Variants in MAGT1 observed in about 807,000 individuals in gnomAD.
MAGT1 encodes the protein magnesium transporter 1, also known as dolichyl-diphosphooligosaccharide--protein glycosyltransferase subunit MAGT1.
A neutral mutation model predicts 28.4 loss-of-function variants in MAGT1; 4 were observed. The ratio of observed to expected loss-of-function variants is 0.14; its 90% CI spans 0.07 to 0.32. The LOEUF (loss-of-function observed/expected upper bound fraction) is 0.32, where lower values mean the gene tolerates loss of function less well. Ranked by LOEUF, MAGT1 falls within the 10% of genes least tolerant of loss-of-function variation. The pLI, the probability that MAGT1 is intolerant of heterozygous loss-of-function variation, is 1.00. For missense variants in MAGT1, 193 were observed against 264.5 expected, an observed-to-expected ratio of 0.73 and a Z score of 1.88; for synonymous variants, 89 against 89.7, an observed-to-expected ratio of 0.99 and a Z score of 0.04.
chrX:77,837,716 G>C (rs782558403), intron 8 of MAGT1, among the ~76,000 whole-genome samples: 15 of 111,683 alleles, frequency 1.3e-4, no homozygotes, highest in Non-Finnish European at 2.8e-4. Context: ...ATTTAGGTAG[G>C]GTAATTTTTA....
intron 7 of MAGT1, among the ~76,000 whole-genome samples, chrX:77,850,470 C>A (rs2076964195): frequency 1.6e-5 from 1 of 60,620 alleles, no homozygotes. Flanking sequence ...AGCGAGACTC[C>A]ACTCAAAAAA....
At position 77,827,174 on chromosome X, in the gene MAGT1, A is replaced by G. The variant is rs1162021185; in HGVS notation, c.*2046T>C. ...TCTTCATAACTATGGGGGAGGTTAT[A>G]GTTAGATATAATGATAACCATGAAA... On this transcript the variant is annotated 3_prime_UTR_variant, in exon 10 of 10. Transcript: ENST00000618282. The G allele has an allele frequency of 8.9e-6, 1 of 111,742 alleles. No homozygotes were observed. The highest frequency in any genetic ancestry group is 3.2e-5 in the African/African-American group (1 of 30,776). 9.2% of individuals were successfully genotyped at this position (111,742 alleles called of 1,213,427 possible).
intron 9 of MAGT1, among the ~76,000 whole-genome samples, chrX:77,829,765 T>TA (rs1303641596): frequency 1.8e-5 from 2 of 110,958 alleles, no homozygotes; most frequent in Non-Finnish European, 3.8e-5. Context: ...CTCTATTTCT[T>TA]AAAAAAAAGT....
chrX:77,854,753 T>C (rs1332818020), intron 6 of MAGT1, among the ~76,000 whole-genome samples: 1 of 111,064 alleles, frequency 9.0e-6, no homozygotes. Context: ...TAGCTGGGAC[T>C]ACAAATGCAA....
chrX:77,891,291 C>T (rs1557219463), intron 1 of MAGT1, among the ~76,000 whole-genome samples: 1 of 106,738 alleles, frequency 9.4e-6, no homozygotes, highest in Non-Finnish European at 1.9e-5. Flanking sequence ...CCCCAACCAC[C>T]CTCTTGCTTA....
chrX:77,882,742 G>T (rs1422616467), intron 1 of MAGT1, among the ~76,000 whole-genome samples: 2 of 109,219 alleles, frequency 1.8e-5, no homozygotes, highest in East Asian at 5.7e-4. Context: ...TGAGGAGTGA[G>T]GACTGCTTGA....
intron 1 of MAGT1, among the ~76,000 whole-genome samples, chrX:77,876,160 A>ATTT (rs1373548796): frequency 2.2e-4 from 7 of 32,174 alleles, no homozygotes; most frequent in Non-Finnish European, 3.3e-4. Flanking sequence ...ATATATATAT[A>ATTT]TATATTTTTT....
chrX:77,840,546 T>C (rs1283930545), intron 8 of MAGT1, among the ~76,000 whole-genome samples: 6 of 111,480 alleles, frequency 5.4e-5, no homozygotes, highest in East Asian at 5.6e-4. Context: ...TAAATTATAA[T>C]ATAGAGTATA....
intron 4 of MAGT1, among the ~76,000 whole-genome samples, chrX:77,857,097 A>C (rs1350009429): frequency 8.9e-6 from 1 of 112,030 alleles, no homozygotes; most frequent in African/African-American, 3.2e-5. Flanking sequence ...TTTTAGATTA[A>C]GAAGGATTTG....
chrX:77,881,551 G>C (rs1262884857), intron 1 of MAGT1, among the ~76,000 whole-genome samples: 7 of 109,146 alleles, frequency 6.4e-5, no homozygotes, highest in Non-Finnish European at 1.1e-4. Flanking sequence ...TGCTGAGAAT[G>C]ATGGTTTCCA....
chrX:77,872,743 T>G (rs1218167682), intron 2 of MAGT1, among the ~76,000 whole-genome samples: 2 of 111,996 alleles, frequency 1.8e-5, no homozygotes, highest in Non-Finnish European at 3.8e-5. Flanking sequence ...CAGTATTTAT[T>G]ATATGTACAG....
intron 4 of MAGT1, 39 bp from the exon 5 acceptor site, chrX:77,856,912 T>A: frequency 9.0e-7 from 1 of 1,111,107 alleles, no homozygotes; most frequent in Middle Eastern, 2.5e-4. Context: ...AAGTATAAAA[T>A]TTTTTTACTA....
At chrX:77,855,465 G>A (rs781924193) in intron 6 of MAGT1, 36 bp downstream of exon 6, 31 of 995,869 alleles carry the variant, frequency 3.1e-5, no homozygotes, top group Non-Finnish European at 4.4e-5. Flanking sequence ...AGTTAACTTT[G>A]GTCTACAAAG....
At chrX:77,865,383 G>A (rs1002382489) in intron 3 of MAGT1, among the ~76,000 whole-genome samples, 1 of 110,573 alleles carries the variant, frequency 9.0e-6, no homozygotes, top group Non-Finnish European at 1.9e-5. Flanking sequence ...TCCGCCTCCC[G>A]GGTTCAAGCC....
At chrX:77,841,367 T>C (rs782465970) in intron 7 of MAGT1, 47 bp from the exon 8 acceptor site, 3 of 824,825 alleles carry the variant, frequency 3.6e-6, no homozygotes, top group Non-Finnish European at 5.5e-6. Context: ...AAAAAAGACA[T>C]ACCATTTTAC....
intron 3 of MAGT1, among the ~76,000 whole-genome samples, chrX:77,865,133 G>T (rs2077005048): frequency 8.9e-6 from 1 of 111,908 alleles, no homozygotes; most frequent in Non-Finnish European, 1.9e-5. Context: ...GGCTAAGTGA[G>T]ACTGGAATAT....
At position 77,826,886 on chromosome X, in the gene MAGT1, CT is replaced by C. The variant is rs1472004759; in HGVS notation, c.*2333del. 3.6e-5 allele frequency: 4 copies of C among 111,531 alleles called. No individual in the cohort carries two copies. Among genetic ancestry groups the C allele is most frequent in the African/African-American group, 1.3e-4 (4 of 30,722 alleles). The allele number at this position is 111,531 out of a possible 1,213,427, so 9.2% of individuals were successfully genotyped here. A position where few individuals can be genotyped will look rare whatever the true frequency, so the allele number is the denominator to read the frequency against. ...CAAGTGAGTAATTAACAAAAACTGGCTGCTCCATTAAAAAGTAAAAGGTCAA... is the reference window on the plus strand; with the variant it reads ...CAAGTGAGTAATTAACAAAAACTGGCGCTCCATTAAAAAGTAAAAGGTCAA... On this transcript the variant is annotated 3_prime_UTR_variant, in exon 10 of 10. Coordinates refer to ENST00000618282, the MANE Select transcript of MAGT1 (RefSeq NM_001367916.1).
At chrX:77,895,518 A>G (rs782633653), upstream of MAGT1, 71 of 1,155,657 alleles carry the variant, frequency 6.1e-5, no homozygotes, top group Admixed American at 7.9e-5. Context: ...GGTCCAGCTC[A>G]GCCCTGCCGG....
At chrX:77,850,523 T>C (rs1166062123) in intron 7 of MAGT1, among the ~76,000 whole-genome samples, 5 of 105,493 alleles carry the variant, frequency 4.7e-5, no homozygotes, top group African/African-American at 1.7e-4. Flanking sequence ...TTTTCTAATA[T>C]TCCTTACCTC....
Sources: allele counts gnomAD v4.1 joint callset (sites outside exome capture counted in the v4.1 genomes callset), GRCh38; gene constraint gnomAD v4.1.1; transcripts MANE v1.5; gene names NCBI Gene and HGNC (gene_info 2026-07-23, HGNC 2026-07-21).